Variants in CFAP54 observed in about 807,000 individuals in gnomAD.
CFAP54 encodes cilia and flagella associated protein 54.
Under a neutral mutation model 370.4 loss-of-function variants are expected in CFAP54, and 290 were observed. The observed-to-expected ratio is 0.78, with a 90% CI of 0.71 to 0.86. CFAP54 has a LOEUF of 0.86. CFAP54 is among the 40% of genes least tolerant of loss of function. The pLI, the probability that CFAP54 is intolerant of heterozygous loss-of-function variation, is 0.00. For missense variants in CFAP54, 3,399 were observed against 3,528.7 expected, an observed-to-expected ratio of 0.96 and a Z score of 0.93; for synonymous variants, 1,206 against 1,236.5, an observed-to-expected ratio of 0.98 and a Z score of 0.52.
chr12:96,501,027 CAT>C (rs1353140718), intron 2 of CFAP54, 88 bp downstream of exon 2: 10 of 690,960 alleles, frequency 1.4e-5, no homozygotes, highest in Non-Finnish European at 2.0e-5. Flanking sequence ...TCCTATTTTA[CAT>C]GTTTTGATTT....
chr12:96,596,266 T>C (rs1481088459), intron 25 of CFAP54, among the ~76,000 whole-genome samples: 1 of 152,150 alleles, frequency 6.6e-6, no homozygotes. Context: ...TAGTCCACTG[T>C]TACTTTCTAG....
At chr12:96,684,890 C>A in intron 41 of CFAP54, 139 bp from the exon 42 acceptor site, 1 of 959,862 alleles carries the variant, frequency 1.0e-6, no homozygotes, top group Non-Finnish European at 1.6e-6. Flanking sequence ...CTGAGAGAAA[C>A]CATTAAGAAC....
intron 65 of CFAP54, among the ~76,000 whole-genome samples, chr12:96,820,914 A>G (rs1231159970): frequency 6.6e-6 from 1 of 152,142 alleles, no homozygotes; most frequent in Non-Finnish European, 1.5e-5. Flanking sequence ...TCTTTGCTGA[A>G]ATTGTCCCTA....
chr12:96,741,152 G>T (rs1012557349), intron 51 of CFAP54, among the ~76,000 whole-genome samples: 17 of 152,028 alleles, frequency 1.1e-4, no homozygotes, highest in African/African-American at 3.6e-4. Flanking sequence ...GGCCTCTGTC[G>T]ACTGCTTACT....
At chr12:96,536,889 G>A (rs767086007) in intron 12 of CFAP54, among the ~76,000 whole-genome samples, 20 of 152,076 alleles carry the variant, frequency 1.3e-4, no homozygotes, top group Non-Finnish European at 2.8e-4. Context: ...GCCTCCCAAC[G>A]TGCTGGGATT....
At chr12:96,829,720 T>C (rs1002275918) in intron 66 of CFAP54, among the ~76,000 whole-genome samples, 12 of 151,600 alleles carry the variant, frequency 7.9e-5, no homozygotes, top group African/African-American at 2.7e-4. Context: ...ATATATATAA[T>C]ATAAAATTTA....
chr12:96,605,484 G>T (rs1352748766), intron 26 of CFAP54, among the ~76,000 whole-genome samples: 1 of 152,132 alleles, frequency 6.6e-6, no homozygotes, highest in East Asian at 1.9e-4. Flanking sequence ...AACTCAAAAA[G>T]GACAAACTGG....
chr12:96,594,016 T>C (rs1956150956), intron 24 of CFAP54, among the ~76,000 whole-genome samples: 1 of 152,114 alleles, frequency 6.6e-6, no homozygotes, highest in Admixed American at 6.6e-5. Flanking sequence ...AACATAAAAA[T>C]ATAGCCAAGT....
At chr12:96,666,654 G>A (rs148708491) in intron 39 of CFAP54, among the ~76,000 whole-genome samples, 104 of 152,198 alleles carry the variant, frequency 6.8e-4, no homozygotes, top group African/African-American at 1.4e-3. Flanking sequence ...AATCCACCCC[G>A]ATGATTCAGT....
intron 8 of CFAP54, 77 bp downstream of exon 8, chr12:96,522,266 C>A: frequency 1.0e-6 from 1 of 962,332 alleles, no homozygotes. Context: ...TCTTTCAAGC[C>A]TAGTCACTCA....
chr12:96,561,773 C>CTTTTTT (rs376442763), intron 17 of CFAP54, among the ~76,000 whole-genome samples: 1 of 94,852 alleles, frequency 1.1e-5, no homozygotes, highest in African/African-American at 4.3e-5. Context: ...ATCACAAGTT[C>CTTTTTT]TTTTTTTTTT....
In CFAP54 at chr12:96,720,429, G is replaced by A. The variant is rs1237269791; in HGVS notation, c.6829G>A (p.Asp2277Asn). Residue 2277 changes from aspartate (D) to asparagine (N), a missense_variant, in exon 50 of 68, where the codon GAC (aspartate) becomes AAC (asparagine). Around this residue, in one of 3 missense-constraint regions of CFAP54, gnomAD observed 2,796 missense variants for 2,869.7 expected, o/e 0.97. Coordinates refer to ENST00000524981, the MANE Select transcript of CFAP54 (RefSeq NM_001306084.2). ...GTCGATGTTACTGATGGAAGCTGAGGACAGGCTAAACTTCCTTCTGTCCGA... is the reference window on the plus strand; with the variant it reads ...GTCGATGTTACTGATGGAAGCTGAGAACAGGCTAAACTTCCTTCTGTCCGA... ...LKSMLLMEAE[D>N]RLNFLLSEVE... 1 of 1,555,752 alleles carries A rather than the reference G, an allele frequency of 6.4e-7. No homozygotes were observed. Among genetic ancestry groups the A allele is most frequent in the South Asian group, 1.2e-5 (1 of 83,084 alleles).
chr12:96,495,764 G>A (rs1281314671), intron 1 of CFAP54, among the ~76,000 whole-genome samples: 1 of 151,974 alleles, frequency 6.6e-6, no homozygotes, highest in East Asian at 1.9e-4. Context: ...TTCCCAATGA[G>A]CAGCCTTAAC....
At chr12:96,807,769 A>G (rs1269105304) in intron 63 of CFAP54, among the ~76,000 whole-genome samples, 1 of 152,172 alleles carries the variant, frequency 6.6e-6, no homozygotes, top group Non-Finnish European at 1.5e-5. Flanking sequence ...CAGTAGGTCT[A>G]AGAGAATATG....
chr12:96,800,068 T>A (rs1181457798), intron 63 of CFAP54, among the ~76,000 whole-genome samples: 1 of 152,214 alleles, frequency 6.6e-6, no homozygotes, highest in Non-Finnish European at 1.5e-5. Context: ...ACAGAATGTT[T>A]ACCTAAGCAG....
intron 19 of CFAP54, among the ~76,000 whole-genome samples, chr12:96,576,045 A>G (rs1480390400): frequency 6.6e-6 from 1 of 152,080 alleles, no homozygotes; most frequent in Non-Finnish European, 1.5e-5. Context: ...CTCTCTGCAT[A>G]TAACCTTTTT....
chr12:96,624,111 G>T (rs1956527747), intron 28 of CFAP54, among the ~76,000 whole-genome samples: 1 of 152,156 alleles, frequency 6.6e-6, no homozygotes, highest in Admixed American at 6.6e-5. Flanking sequence ...TACATAGCTG[G>T]CTTGGACTTG....
chr12:96,553,040 C>T (rs1037035275), intron 15 of CFAP54, among the ~76,000 whole-genome samples: 3 of 152,112 alleles, frequency 2.0e-5, no homozygotes, highest in South Asian at 4.1e-4. Flanking sequence ...CAGCTGCCTC[C>T]TAGATTCTTA....
At chr12:96,764,532 G>C (rs1958377763) in intron 59 of CFAP54, among the ~76,000 whole-genome samples, 1 of 152,044 alleles carries the variant, frequency 6.6e-6, no homozygotes, top group African/African-American at 2.4e-5. Flanking sequence ...GAGGCAAAAG[G>C]ATTGCTTGAC....
Sources: allele counts gnomAD v4.1 joint callset (sites outside exome capture counted in the v4.1 genomes callset), GRCh38; gene constraint gnomAD v4.1.1; regional missense constraint gnomAD v4.1.1; transcripts MANE v1.5; gene names NCBI Gene and HGNC (gene_info 2026-07-23, HGNC 2026-07-21).